Variants in SEMA3A observed in about 807,000 individuals in gnomAD.
SEMA3A encodes the protein semaphorin-3A.
Under a neutral mutation model 97.9 loss-of-function variants are expected in SEMA3A, and 29 were observed. The ratio of observed to expected loss-of-function variants is 0.30; its 90% CI spans 0.22 to 0.40. The LOEUF is 0.40. Among genes scored for constraint, SEMA3A ranks in the 10% least tolerant of loss-of-function variants. The probability of loss-of-function intolerance (pLI) is 1.00; values close to 1 mark genes in which losing one functional copy is unlikely to be tolerated. For synonymous variants in SEMA3A, 321 were observed against 323.7 expected (o/e 0.99, Z 0.09); for missense variants, 763 against 951.3 (o/e 0.80, Z 2.60).
chr7:84,281,107 T>C (rs1026603628), intron 3 of SEMA3A, among the ~76,000 whole-genome samples: 10 of 152,186 alleles, frequency 6.6e-5, no homozygotes, highest in Admixed American at 1.3e-4. Flanking sequence ...CATTTAGATC[T>C]GCCAGCCATT....
At chr7:84,236,372 T>C (rs1249070794) in intron 3 of SEMA3A, among the ~76,000 whole-genome samples, 1 of 152,080 alleles carries the variant, frequency 6.6e-6, no homozygotes. Context: ...ATCCTAGATA[T>C]CCAATATAAC....
intron 2 of SEMA3A, among the ~76,000 whole-genome samples, chr7:84,326,642 T>C (rs2115931898): frequency 6.6e-6 from 1 of 152,096 alleles, no homozygotes; most frequent in East Asian, 1.9e-4. Flanking sequence ...TTGAAAATAG[T>C]CTAGAAGGCT....
intron 4 of SEMA3A, among the ~76,000 whole-genome samples, chr7:84,068,302 T>C (rs1385072198): frequency 9.3e-4 from 135 of 145,924 alleles, no homozygotes; most frequent in Admixed American, 7.3e-3. Context: ...AGGGATAGCA[T>C]TGGGAGATAT....
At chr7:84,308,882 G>A (rs1382932835) in intron 2 of SEMA3A, among the ~76,000 whole-genome samples, 2 of 150,452 alleles carry the variant, frequency 1.3e-5, no homozygotes, top group Non-Finnish European at 3.0e-5. Context: ...CAATGGCGCC[G>A]TCTCAGCTCA....
chr7:84,491,174 T>A (rs1378964536), intron 1 of SEMA3A, among the ~76,000 whole-genome samples: 1 of 152,116 alleles, frequency 6.6e-6, no homozygotes, highest in Non-Finnish European at 1.5e-5. Context: ...TTCAATGATG[T>A]CCATCTATAA....
At chr7:84,256,039 G>C (rs1799713751) in intron 3 of SEMA3A, among the ~76,000 whole-genome samples, 1 of 152,042 alleles carries the variant, frequency 6.6e-6, no homozygotes. Flanking sequence ...AGGTGACAGA[G>C]ATGATGTAAA....
chr7:84,120,081 A>G (rs996024737), intron 3 of SEMA3A, among the ~76,000 whole-genome samples: 2 of 149,320 alleles, frequency 1.3e-5, no homozygotes, highest in Admixed American at 6.8e-5. Flanking sequence ...CTGTATTTCA[A>G]ATGCTAGCCT....
At chr7:83,996,452 G>C (rs898946837) in intron 12 of SEMA3A, among the ~76,000 whole-genome samples, 5 of 151,984 alleles carry the variant, frequency 3.3e-5, no homozygotes, top group Admixed American at 3.3e-4. Context: ...ACAGGCATGT[G>C]CCACCACGCC....
At chr7:84,327,101 T>G (rs1039839438) in intron 2 of SEMA3A, among the ~76,000 whole-genome samples, 1 of 151,884 alleles carries the variant, frequency 6.6e-6, no homozygotes, top group African/African-American at 2.4e-5. Context: ...GAACTTAAAT[T>G]TATAGAAGAA....
At chr7:84,364,160 C>T (rs1235679811) in intron 2 of SEMA3A, among the ~76,000 whole-genome samples, 3 of 151,328 alleles carry the variant, frequency 2.0e-5, no homozygotes, top group Admixed American at 2.0e-4. Context: ...GTTTTAATTT[C>T]CAGTACAGTA....
chr7:84,169,946 C>T (rs1584074934), intron 1 of SEMA3A, among the ~76,000 whole-genome samples: 1 of 151,734 alleles, frequency 6.6e-6, no homozygotes, highest in Non-Finnish European at 1.5e-5. Flanking sequence ...CCCGAAACTC[C>T]TAGTCTATAT....
At chr7:84,079,817 T>C (rs1244845131) in intron 4 of SEMA3A, among the ~76,000 whole-genome samples, 1 of 134,058 alleles carries the variant, frequency 7.5e-6, no homozygotes, top group Non-Finnish European at 1.5e-5. Flanking sequence ...GATCTAGAAC[T>C]AGAAATACCA....
Position 84,046,375 on chromosome 7 carries a change from C to A in SEMA3A, c.616G>T (p.Gly206Trp). 1 of 1,613,168 alleles carries A rather than the reference C, an allele frequency of 6.2e-7. No homozygotes were observed. Among genetic ancestry groups the A allele is most frequent in the South Asian group, 1.1e-5 (1 of 91,056 alleles). The change falls in exon 6 of 17, where the codon GGG becomes TGG. Residue 206 changes from glycine to tryptophan, a missense_variant. By Grantham distance (184) the Gly-to-Trp change is radical (BLOSUM62 -2). Around this residue, in one of 2 missense-constraint regions of SEMA3A, gnomAD observed 678 missense variants for 881.3 expected, o/e 0.77. Transcript: ENST00000265362. ...TCTGTCCTGATTGGGTGGTGGTGCCCAAGAGTTCGGAAGATAGCAAAGTCT... is the reference window on the plus strand; with the variant it reads ...TCTGTCCTGATTGGGTGGTGGTGCCAAAGAGTTCGGAAGATAGCAAAGTCT... ...GRDFAIFRTL[G>W]HHHPIRTEQH... is the part of the protein sequence containing the mutation.
intron 1 of SEMA3A, among the ~76,000 whole-genome samples, chr7:84,428,293 A>G (rs1804879637): frequency 1.3e-5 from 2 of 152,104 alleles, no homozygotes; most frequent in South Asian, 4.1e-4. Context: ...ATATCTCTTT[A>G]GCAGTTATTA....
chr7:84,215,690 C>G (rs892995795), intron 3 of SEMA3A, among the ~76,000 whole-genome samples: 1 of 152,138 alleles, frequency 6.6e-6, no homozygotes, highest in African/African-American at 2.4e-5. Context: ...CTGTTTTATT[C>G]CATATTCCTA....
Position 84,221,677 on chromosome 7 carries a change from A to C in SEMA3A, c.-82-27009T>G, listed in dbSNP as rs557650167. Among the ~76,000 whole-genome samples, 3 of 152,142 alleles carry C rather than the reference A, an allele frequency of 2.0e-5. No homozygotes were observed. In the South Asian group the frequency reaches 6.2e-4, roughly 32 times the overall value. On this transcript the variant is annotated intron_variant, in intron 3 of 3. Coordinates refer to the SEMA3A transcript ENST00000424555. ...GTGAGAGATGAGGAAATGGCCAGTG[A>C]GTAGAGCCGTGAGAACACACATAGC... is the stretch of plus-strand genomic sequence containing the variant.
chr7:84,449,163 G>A (rs528991561), intron 1 of SEMA3A, among the ~76,000 whole-genome samples: 2 of 152,136 alleles, frequency 1.3e-5, no homozygotes, highest in African/African-American at 2.4e-5. Flanking sequence ...ATGGTCTAAA[G>A]GTAAGACCTA....
At chr7:84,089,861 A>G (rs542397507) in intron 4 of SEMA3A, among the ~76,000 whole-genome samples, 1 of 152,102 alleles carries the variant, frequency 6.6e-6, no homozygotes, top group African/African-American at 2.4e-5. Flanking sequence ...TTTAAAGGTT[A>G]TGAACTGTGC....
intron 2 of SEMA3A, among the ~76,000 whole-genome samples, chr7:84,311,425 T>C (rs752390125): frequency 1.3e-4 from 19 of 151,962 alleles, no homozygotes; most frequent in Non-Finnish European, 2.4e-4. Context: ...ACAAATAAGT[T>C]AGTACACTGT....
Sources: allele counts gnomAD v4.1 joint callset (sites outside exome capture counted in the v4.1 genomes callset), GRCh38; gene constraint gnomAD v4.1.1; regional missense constraint gnomAD v4.1.1; transcripts MANE v1.5; gene names NCBI Gene and HGNC (gene_info 2026-07-23, HGNC 2026-07-21).